STARD13: variants seen among roughly 807,000 people sequenced by gnomAD.
STARD13 encodes the protein StAR related lipid transfer domain containing 13.
A neutral mutation model predicts 106.4 loss-of-function variants in STARD13; 62 were observed. The ratio of observed to expected loss-of-function variants is 0.58; its 90% CI spans 0.48 to 0.72. The LOEUF is 0.72. Ranked by LOEUF, STARD13 falls within the 30% of genes least tolerant of loss-of-function variation. The pLI, the probability that STARD13 is intolerant of heterozygous loss-of-function variation, is 0.00. For missense variants in STARD13, 1,387 were observed against 1,424.0 expected (o/e 0.97, Z 0.42); for synonymous variants, 565 against 553.0 (o/e 1.02, Z -0.31).
intron 7 of STARD13, among the ~76,000 whole-genome samples, chr13:33,120,352 TG>T (rs1460832522): frequency 2.0e-5 from 3 of 152,228 alleles, no homozygotes; most frequent in Non-Finnish European, 1.5e-5. Context: ...TTGTATTGTT[TG>T]GTTTCCAAAT....
the STARD13 span, among the ~76,000 whole-genome samples, chr13:33,359,260 C>A: frequency 6.6e-6 from 1 of 152,076 alleles, no homozygotes; most frequent in African/African-American, 2.4e-5. Flanking sequence ...CACTCCTGAG[C>A]CCAGCGAGAC....
intron 1 of STARD13, chr13:33,277,315 C>T (rs1891496569): frequency 6.6e-6 from 1 of 152,074 alleles, no homozygotes; most frequent in South Asian, 2.1e-4. Flanking sequence ...GGAAAAACAT[C>T]TGAAGAATAT....
chr13:33,350,717 C>T (rs1308105616), upstream of STARD13: 13 of 1,040,318 alleles, frequency 1.2e-5, no homozygotes, highest in Non-Finnish European at 1.4e-5. Context: ...CTCCACTCCC[C>T]TCCCTCCCCT....
chr13:33,189,428 TC>T (rs200883466), intron 1 of STARD13, among the ~76,000 whole-genome samples: 12 of 17,168 alleles, frequency 7.0e-4, no homozygotes, highest in Admixed American at 2.5e-3. Context: ...CCCTCCTTCC[TC>T]CTTTCGGAGG....
At chr13:33,339,105 T>C (rs947564624) in intron 1 of STARD13, among the ~76,000 whole-genome samples, 3 of 152,188 alleles carry the variant, frequency 2.0e-5, no homozygotes, top group Non-Finnish European at 1.5e-5. Flanking sequence ...TTTGCAAATA[T>C]TAACTCATTT....
intron 1 of STARD13, among the ~76,000 whole-genome samples, chr13:33,294,177 CA>C (rs1184981601): frequency 5.3e-5 from 8 of 152,182 alleles, no homozygotes; most frequent in Non-Finnish European, 4.4e-5. Flanking sequence ...GTATCAGTTA[CA>C]AATTGTATAG....
chr13:33,553,049 A>G, the STARD13 span, among the ~76,000 whole-genome samples: 1 of 152,204 alleles, frequency 6.6e-6, no homozygotes, highest in Non-Finnish European at 1.5e-5. Flanking sequence ...TAAGAAATAA[A>G]ACATTTTATT....
the STARD13 span, among the ~76,000 whole-genome samples, chr13:33,381,892 A>G: frequency 3.9e-5 from 6 of 152,310 alleles, no homozygotes; most frequent in Non-Finnish European, 5.9e-5. Flanking sequence ...TTGCATAATG[A>G]TACATCAAAG....
At chr13:33,573,603 A>G in the STARD13 span, among the ~76,000 whole-genome samples, 1 of 152,192 alleles carries the variant, frequency 6.6e-6, no homozygotes, top group Non-Finnish European at 1.5e-5. Flanking sequence ...ATCAGACTAT[A>G]TTATGGTGAC....
intron 1 of STARD13, chr13:33,188,082 C>T (rs1002991087): frequency 1.3e-5 from 2 of 152,326 alleles, no homozygotes; most frequent in African/African-American, 4.8e-5. Flanking sequence ...GGTTGCTGGG[C>T]CATGGGAAAG....
chr13:33,560,451 C>G, the STARD13 span, among the ~76,000 whole-genome samples: 1 of 150,886 alleles, frequency 6.6e-6, no homozygotes, highest in South Asian at 2.1e-4. Flanking sequence ...CATTTTTTCC[C>G]CTTTTCAACA....
intron 1 of STARD13, among the ~76,000 whole-genome samples, chr13:33,275,245 A>C (rs1444151798): frequency 2.6e-5 from 4 of 152,212 alleles, no homozygotes; most frequent in Admixed American, 1.3e-4. Context: ...GACACACACA[A>C]AAAATGTGGC....
intron 8 of STARD13, chr13:33,113,406 G>T: frequency 4.6e-6 from 2 of 432,946 alleles, no homozygotes; most frequent in Non-Finnish European, 9.3e-6. Flanking sequence ...CAGTAGCCTC[G>T]CCTTGCGTTT....
chr13:33,545,699 A>G, the STARD13 span, among the ~76,000 whole-genome samples: 1 of 152,188 alleles, frequency 6.6e-6, no homozygotes, highest in East Asian at 1.9e-4. Flanking sequence ...AGTTGCTGTC[A>G]GAGCTGGTTG....
chr13:33,296,492 T>C (rs1416579590), intron 1 of STARD13, among the ~76,000 whole-genome samples: 1 of 152,008 alleles, frequency 6.6e-6, no homozygotes, highest in Non-Finnish European at 1.5e-5. Flanking sequence ...AAGTATTCAA[T>C]AGAGTCTTAT....
At chr13:33,321,276 C>T (rs898402787) in intron 1 of STARD13, among the ~76,000 whole-genome samples, 3 of 152,080 alleles carry the variant, frequency 2.0e-5, no homozygotes, top group African/African-American at 7.2e-5. Context: ...GAGGCCAAGG[C>T]CGGTGGATCA....
intron 1 of STARD13, among the ~76,000 whole-genome samples, chr13:33,171,339 C>T (rs1256772081): frequency 6.6e-6 from 1 of 152,206 alleles, no homozygotes; most frequent in African/African-American, 2.4e-5. Flanking sequence ...GCCCACCAAT[C>T]TCTACGGAGG....
the STARD13 span, among the ~76,000 whole-genome samples, chr13:33,549,766 A>G: frequency 3.3e-5 from 5 of 152,166 alleles, no homozygotes; most frequent in Non-Finnish European, 7.3e-5. Flanking sequence ...ATTTTTTTGT[A>G]TATGTATGGA....
chr13:33,325,978 C>T (rs767752541), intron 1 of STARD13, among the ~76,000 whole-genome samples: 2 of 85,752 alleles, frequency 2.3e-5, no homozygotes, highest in African/African-American at 5.0e-5. Context: ...GAGCGAGACT[C>T]CGTTTAAAAA....
Sources: gnomAD v4.1 joint callset for allele counts (sites outside exome capture counted in the v4.1 genomes callset) on GRCh38, gnomAD v4.1.1 for gene constraint, MANE v1.5 for transcripts, NCBI Gene and HGNC (gene_info 2026-07-23, HGNC 2026-07-21) for gene names.